The following PTPRN2 variants were observed in gnomAD, a reference collection of about 807,000 sequenced individuals.
PTPRN2 encodes protein tyrosine phosphatase receptor type N2.
PTPRN2 carries 74 observed loss-of-function variants against 118.8 expected under a neutral mutation model. The ratio of observed to expected loss-of-function variants is 0.62; its 90% CI spans 0.52 to 0.76. The LOEUF is 0.76. Ranked by LOEUF, PTPRN2 falls within the 30% of genes least tolerant of loss-of-function variation. The pLI, the probability that PTPRN2 is intolerant of heterozygous loss-of-function variation, is 0.00. For missense variants in PTPRN2, 1,481 were observed against 1,394.4 expected, an observed-to-expected ratio of 1.06 and a Z score of -0.99; for synonymous variants, 641 against 608.0, an observed-to-expected ratio of 1.05 and a Z score of -0.80.
intron 21 of PTPRN2, among the ~76,000 whole-genome samples, chr7:157,552,758 C>A (rs993475404): frequency 1.3e-5 from 2 of 152,190 alleles, no homozygotes; most frequent in African/African-American, 4.8e-5. Context: ...TGTCACATGA[C>A]GTGGGGAAGC....
In PTPRN2 at chr7:157,590,720, G is replaced by A. The variant is rs115437840; in HGVS notation, c.2496+4518C>T. On this transcript the variant is annotated intron_variant, in intron 17 of 22. Coordinates refer to ENST00000389418, the MANE Select transcript of PTPRN2 (RefSeq NM_002847.5). This position sits in a 1 kb window ranked among gnomAD's most constrained non-coding sequence, Gnocchi z 4.0. Reference sequence around the variant, plus strand: ...CTGGTGAGCATGGAGTGACCTCGATGCCCCATGCTCACCGAGGGGACTTCC... The same window carrying A: ...CTGGTGAGCATGGAGTGACCTCGATACCCCATGCTCACCGAGGGGACTTCC... 7.6e-3 allele frequency among the ~76,000 whole-genome samples: 1,158 copies of A among 152,184 alleles called. 14 individuals are homozygous for A. The highest frequency in any genetic ancestry group is 0.025 in the African/African-American group (1,037 of 41,502).
chr7:157,548,425 C>G (rs559445150), intron 22 of PTPRN2, among the ~76,000 whole-genome samples: 1 of 152,160 alleles, frequency 6.6e-6, no homozygotes, highest in East Asian at 1.9e-4. Flanking sequence ...GTCAACCTCA[C>G]GTCCAGTTCT....
rs1178556965 is a variant in PTPRN2 at position 157,995,241 on chromosome 7, T to G, written c.1723+86057A>C. ...CAGCTTACAACTCCTTGTTCCTAAA[T>G]CAACGCTGCATCCCCAGCTTACAAC... On this transcript the variant is annotated intron_variant, in intron 11 of 22. Transcript: ENST00000389418. Among the ~76,000 whole-genome samples, 3 of 148,282 alleles carry G rather than the reference T, an allele frequency of 2.0e-5. No homozygotes were observed. In the East Asian group the frequency reaches 6.1e-4, roughly 30 times the overall value.
intron 2 of PTPRN2, among the ~76,000 whole-genome samples, chr7:158,453,480 A>G (rs57452631): frequency 2.7e-5 from 4 of 146,984 alleles, no homozygotes; most frequent in African/African-American, 5.0e-5. Flanking sequence ...CTCACCCTAC[A>G]GTGCAGGGGG....
chr7:158,290,322 G>A (rs144696388), intron 3 of PTPRN2, among the ~76,000 whole-genome samples: 13 of 152,318 alleles, frequency 8.5e-5, no homozygotes, highest in Admixed American at 8.5e-4. Context: ...GGCTGGTTCA[G>A]TGCTGGGGCC....
chr7:157,625,570 A>T (rs568614513), intron 14 of PTPRN2, among the ~76,000 whole-genome samples: 2 of 152,214 alleles, frequency 1.3e-5, no homozygotes, highest in Non-Finnish European at 2.9e-5. Context: ...GACTTTGGGG[A>T]CTTGAGGGGA....
rs962939018 is a variant in PTPRN2, at chr7:157,540,741, G to A, written c.3021C>T (p.Asn1007=). The change falls in exon 23 of 23, where the codon AAC becomes AAT. Residue 1007 remains asparagine (N), a synonymous_variant. Transcript: ENST00000389418. ...FALTAVAEEV[N]AILKALPQ ...ACTGGGGAAGGGCCTTGAGGATGGC[G>A]TTCACCTCCTCAGCCACGGCTGTCA... The A allele has an allele frequency of 1.4e-5, 22 of 1,567,702 alleles. 1 individual carries two copies. In the African/African-American group the frequency reaches 1.5e-4, roughly 11 times the overall value.
intron 10 of PTPRN2, among the ~76,000 whole-genome samples, chr7:158,087,325 C>T (rs1291029574): frequency 2.0e-5 from 3 of 152,238 alleles, no homozygotes; most frequent in Non-Finnish European, 4.4e-5. Flanking sequence ...CTGGACCGTG[C>T]AGTGAAGATC....
At chr7:157,633,313 T>C (rs577818043) in intron 14 of PTPRN2, among the ~76,000 whole-genome samples, 114 of 152,198 alleles carry the variant, frequency 7.5e-4, no homozygotes, top group Non-Finnish European at 1.5e-3. Context: ...AACGAAATTT[T>C]TGTATTTTTA....
At chr7:158,043,262 G>A (rs767695958) in intron 11 of PTPRN2, among the ~76,000 whole-genome samples, 28 of 152,202 alleles carry the variant, frequency 1.8e-4, no homozygotes, top group Non-Finnish European at 3.8e-4. Flanking sequence ...TCTAATCTAA[G>A]GGAGCAAATC....
At chr7:158,411,440 C>T (rs1814078589) in intron 2 of PTPRN2, among the ~76,000 whole-genome samples, 1 of 152,172 alleles carries the variant, frequency 6.6e-6, no homozygotes, top group Admixed American at 6.5e-5. Context: ...TCCCCTGGGC[C>T]CTTGCACATG....
chr7:157,580,743 C>G (rs1585058696), intron 17 of PTPRN2, among the ~76,000 whole-genome samples: 2 of 131,268 alleles, frequency 1.5e-5, no homozygotes, highest in Admixed American at 7.5e-5. Flanking sequence ...CCAGCACCTG[C>G]ACACCCCAGC....
chr7:157,624,956 A>C (rs1803480531), intron 14 of PTPRN2, among the ~76,000 whole-genome samples: 1 of 151,758 alleles, frequency 6.6e-6, no homozygotes, highest in South Asian at 2.1e-4. Context: ...AGATATACAA[A>C]TGACCAACAG....
intron 12 of PTPRN2, among the ~76,000 whole-genome samples, chr7:157,841,584 C>G (rs552396076): frequency 6.6e-6 from 1 of 152,266 alleles, no homozygotes; most frequent in South Asian, 2.1e-4. Flanking sequence ...CAGTAATTAC[C>G]CGAGGCTGCT....
At chr7:158,115,314 C>T (rs1043736728) in intron 9 of PTPRN2, among the ~76,000 whole-genome samples, 5 of 152,016 alleles carry the variant, frequency 3.3e-5, no homozygotes, top group African/African-American at 1.2e-4. Context: ...CAGCATGGAC[C>T]GTGGTAATGG....
rs575711324 is a variant in PTPRN2 at position 158,349,816 on chromosome 7, C to T, written c.164-32884G>A. Reference sequence around the variant, plus strand: ...TCCCTGAGGGCAGTGCTGAGGGTGGCCCACATCACTGCACCCCTGGGTGGC... The same window carrying T: ...TCCCTGAGGGCAGTGCTGAGGGTGGTCCACATCACTGCACCCCTGGGTGGC... On this transcript the variant is annotated intron_variant, in intron 2 of 22. Coordinates refer to ENST00000389418, the MANE Select transcript of PTPRN2 (RefSeq NM_002847.5). Among the ~76,000 whole-genome samples, 160 of 144,014 alleles carry T rather than the reference C, an allele frequency of 1.1e-3. 2 individuals carry two copies. The highest frequency in any genetic ancestry group is 3.7e-3 in the African/African-American group (141 of 38,584). 94.5% of individuals were successfully genotyped at this position (144,014 alleles called of 152,430 possible).
chr7:157,898,267 C>T (rs930583034), intron 12 of PTPRN2, among the ~76,000 whole-genome samples: 9 of 152,208 alleles, frequency 5.9e-5, no homozygotes, highest in East Asian at 1.9e-4. Flanking sequence ...GTGCGTCCTT[C>T]GATATTGAAG....
At chr7:158,210,150 T>G (rs1432456036) in intron 3 of PTPRN2, among the ~76,000 whole-genome samples, 1 of 147,622 alleles carries the variant, frequency 6.8e-6, no homozygotes, top group African/African-American at 2.5e-5. Flanking sequence ...TTTTTTTTTT[T>G]TTTGAGACGG....
At chr7:158,284,488 C>T (rs1292870588) in intron 3 of PTPRN2, among the ~76,000 whole-genome samples, 1 of 152,242 alleles carries the variant, frequency 6.6e-6, no homozygotes, top group East Asian at 1.9e-4. Context: ...TCTGCAAACC[C>T]TTGCCCAGTG....
Sources: allele counts gnomAD v4.1 joint callset (sites outside exome capture counted in the v4.1 genomes callset), GRCh38; gene constraint gnomAD v4.1.1; non-coding constraint Gnocchi (gnomAD v3.1); transcripts MANE v1.5; gene names NCBI Gene and HGNC (gene_info 2026-07-23, HGNC 2026-07-21).